Variants in ANKRD33B observed in about 807,000 individuals in gnomAD.
ANKRD33B encodes the protein ankyrin repeat domain-containing protein 33B.
Under a neutral mutation model 21.5 loss-of-function variants are expected in ANKRD33B, and 6 were observed. The observed-to-expected ratio is 0.28, with a 90% CI of 0.15 to 0.55. The LOEUF (loss-of-function observed/expected upper bound fraction) is 0.55. ANKRD33B is among the 20% of genes least tolerant of loss of function. The pLI is 0.94. For synonymous variants in ANKRD33B, 347 were observed against 342.4 expected (o/e 1.01, Z -0.15); for missense variants, 698 against 747.2 (o/e 0.93, Z 0.77).
At chr5:10,636,101 G>C (rs1012681976) in intron 2 of ANKRD33B, among the ~76,000 whole-genome samples, 1 of 152,248 alleles carries the variant, frequency 6.6e-6, no homozygotes, top group Non-Finnish European at 1.5e-5. Context: ...GGAAGTTTCT[G>C]TGCAAACCAG....
intron 1 of ANKRD33B, among the ~76,000 whole-genome samples, chr5:10,603,015 T>C (rs1579727802): frequency 6.6e-6 from 1 of 152,048 alleles, no homozygotes. Flanking sequence ...GGTTTTGCCA[T>C]GTTGCCCAGG....
At position 10,588,657 on chromosome 5, in the gene ANKRD33B, G is replaced by A. The variant is rs372018076; in HGVS notation, c.366+23824G>A. ...TTGGCCAGAAGTTTTAAAATCCAGC[G>A]TATGATTTGCCATATCCTTTTTCCC... On this transcript the variant is annotated intron_variant, in intron 1 of 3. Transcript: ENST00000296657. Among the ~76,000 whole-genome samples, 27 of 152,278 alleles carry A rather than the reference G, an allele frequency of 1.8e-4. No individual in the cohort carries two copies. The East Asian group carries it at 4.1e-3, about 23-fold the overall frequency.
chr5:10,642,320 A>G (rs1011607100), intron 3 of ANKRD33B, among the ~76,000 whole-genome samples: 19 of 152,110 alleles, frequency 1.2e-4, no homozygotes, highest in Non-Finnish European at 1.9e-4. Context: ...TTGGATACAA[A>G]TTTGACATTA....
chr5:10,604,699 A>G (rs150543050), intron 1 of ANKRD33B, among the ~76,000 whole-genome samples: 1 of 152,182 alleles, frequency 6.6e-6, no homozygotes, highest in East Asian at 1.9e-4. Context: ...TTATTTAATT[A>G]TATATTGTCT....
chr5:10,593,345 A>G (rs1735739591), intron 1 of ANKRD33B, among the ~76,000 whole-genome samples: 1 of 152,180 alleles, frequency 6.6e-6, no homozygotes, highest in Non-Finnish European at 1.5e-5. Context: ...AAAAAACAAA[A>G]TAAAGCAAAA....
intron 3 of ANKRD33B, 147 bp downstream of exon 3, chr5:10,638,315 C>G: frequency 8.9e-7 from 1 of 1,123,338 alleles, no homozygotes; most frequent in Admixed American, 2.9e-5. Flanking sequence ...ACATATACTT[C>G]TGTAACTATC....
rs1303069923 is a variant in ANKRD33B at position 10,564,337 on chromosome 5, G to A, written c.-131G>A. On this transcript the variant is annotated 5_prime_UTR_variant, in exon 1 of 4. Coordinates refer to ENST00000296657, the MANE Select transcript of ANKRD33B (RefSeq NM_001164440.2). ...GCGCAGCCGCCTGGTGCCGGTTTCC[G>A]CCGAGCTGGAGCGCGCGGGCCACGG... 4.9e-6 allele frequency: 3 copies of A among 615,668 alleles called. No homozygotes were observed. Among genetic ancestry groups the A allele is most frequent in the Non-Finnish European group, 6.1e-6 (3 of 488,586 alleles). 38.1% of individuals were successfully genotyped at this position (615,668 alleles called of 1,614,324 possible). A position where few individuals can be genotyped will look rare whatever the true frequency, so the allele number is the denominator to read the frequency against.
intron 3 of ANKRD33B, among the ~76,000 whole-genome samples, chr5:10,646,515 T>C (rs539851684): frequency 1.2e-4 from 18 of 152,354 alleles, no homozygotes; most frequent in African/African-American, 4.3e-4. Flanking sequence ...TTTGAAAAGA[T>C]AGGTGAACAT....
intron 3 of ANKRD33B, among the ~76,000 whole-genome samples, chr5:10,645,330 G>A (rs1727364661): frequency 6.6e-6 from 1 of 152,206 alleles, no homozygotes; most frequent in South Asian, 2.1e-4. Flanking sequence ...GGGGGCTGGT[G>A]GAGAAGCAGG....
At chr5:10,623,002 C>T (rs200817426) in intron 2 of ANKRD33B, among the ~76,000 whole-genome samples, 35 of 152,184 alleles carry the variant, frequency 2.3e-4, no homozygotes, top group African/African-American at 7.0e-4. Context: ...GGGAAGAACT[C>T]GGGTCCAGGT....
chr5:10,626,808 C>T (rs1332224524), intron 2 of ANKRD33B, among the ~76,000 whole-genome samples: 1 of 152,234 alleles, frequency 6.6e-6, no homozygotes, highest in Non-Finnish European at 1.5e-5. Context: ...TCGTTGCCAT[C>T]TCACCAACCA....
rs1737412236 is a variant in ANKRD33B, at chr5:10,653,684, AGGATGT to A, written c.*3575_*3580del. On this transcript the variant is annotated 3_prime_UTR_variant, in exon 4 of 4. Transcript: ENST00000296657. ...CTGGTGACACAGGCCCCTCGGTCTC[AGGATGT>A]GGACAGGGCTGGGAGGTGCAGGCTT... The A allele has an allele frequency of 2.0e-5, 3 of 152,354 alleles. No homozygotes were observed. In the South Asian group the frequency reaches 6.2e-4, roughly 32 times the overall value. The allele number at this position is 152,354 out of a possible 1,614,324, so 9.4% of individuals were successfully genotyped here. A position where few individuals can be genotyped will look rare whatever the true frequency, so the allele number is the denominator to read the frequency against.
intron 1 of ANKRD33B, among the ~76,000 whole-genome samples, chr5:10,580,410 G>A (rs1403688473): frequency 6.6e-6 from 1 of 152,208 alleles, no homozygotes; most frequent in African/African-American, 2.4e-5. Context: ...CCTTGCTGGG[G>A]CAGCAGGGTC....
rs543462697 is a variant in ANKRD33B, at chr5:10,599,454, T to C, written c.367-18879T>C. 1.2e-4 allele frequency among the ~76,000 whole-genome samples: 18 copies of C among 152,310 alleles called. No individual in the cohort carries two copies. The South Asian group carries it at 1.2e-3, about 11-fold the overall frequency. ...ATTATCACTATTTCCAAAATGTTTT[T>C]ATCATCCCTCTCCCCCCAGTCCCTC... On this transcript the variant is annotated intron_variant, in intron 1 of 3. Coordinates refer to ENST00000296657, the MANE Select transcript of ANKRD33B (RefSeq NM_001164440.2).
intron 2 of ANKRD33B, among the ~76,000 whole-genome samples, chr5:10,621,491 A>G (rs1188368328): frequency 1.3e-5 from 2 of 152,362 alleles, no homozygotes; most frequent in African/African-American, 4.8e-5. Context: ...TGCAGCAATC[A>G]CAATGCATTT....
intron 1 of ANKRD33B, among the ~76,000 whole-genome samples, chr5:10,606,167 T>C (rs1736041256): frequency 6.6e-6 from 1 of 152,212 alleles, no homozygotes; most frequent in African/African-American, 2.4e-5. Context: ...TTTCATACAT[T>C]ACTAATCTAA....
rs1328178785 is a variant in ANKRD33B, at chr5:10,654,462, T to C, written c.*4349T>C. Reference sequence around the variant, plus strand: ...TGAAGTCTATTTTACTACTTTTTAGTGTTTGAGTAAATTATGCTTTAACTG... The same window carrying C: ...TGAAGTCTATTTTACTACTTTTTAGCGTTTGAGTAAATTATGCTTTAACTG... On this transcript the variant is annotated 3_prime_UTR_variant, in exon 4 of 4. Transcript: ENST00000296657. 1 of 152,386 alleles carries C rather than the reference T, an allele frequency of 6.6e-6. No individual in the cohort carries two copies. Among genetic ancestry groups the C allele is most frequent in the Non-Finnish European group, 1.5e-5 (1 of 68,042 alleles). 9.4% of individuals were successfully genotyped at this position (152,386 alleles called of 1,614,324 possible).
intron 1 of ANKRD33B, among the ~76,000 whole-genome samples, chr5:10,568,800 C>T (rs561651521): frequency 2.0e-5 from 3 of 152,260 alleles, no homozygotes; most frequent in Admixed American, 6.5e-5. Context: ...TCTGAAAGTT[C>T]TGGGATTACC....
At chr5:10,573,295 C>T (rs891508358) in intron 1 of ANKRD33B, among the ~76,000 whole-genome samples, 13 of 151,970 alleles carry the variant, frequency 8.6e-5, no homozygotes, top group African/African-American at 2.9e-4. Context: ...GGTGAAACCC[C>T]GTCTTTACTA....
Sources: gnomAD v4.1 joint callset for allele counts (sites outside exome capture counted in the v4.1 genomes callset) on GRCh38, gnomAD v4.1.1 for gene constraint, MANE v1.5 for transcripts, NCBI Gene and HGNC (gene_info 2026-07-23, HGNC 2026-07-21) for gene names.